The following AFF3 variants were observed in gnomAD, a reference collection of about 807,000 sequenced individuals.
AFF3 encodes the protein AF4/FMR2 family member 3.
Under a neutral mutation model 129.7 loss-of-function variants are expected in AFF3, and 32 were observed. The observed-to-expected ratio is 0.25, with a 90% CI of 0.19 to 0.33. The LOEUF is 0.33. Among genes scored for constraint, AFF3 ranks in the 10% least tolerant of loss-of-function variants. The pLI, the probability that AFF3 is intolerant of heterozygous loss-of-function variation, is 1.00. For synonymous variants in AFF3, 644 were observed against 635.4 expected (o/e 1.01, Z -0.20); for missense variants, 1,373 against 1,592.0 (o/e 0.86, Z 2.34).
In AFF3 at chr2:99,562,288, T is replaced by C. The variant is rs555805738; in HGVS notation, c.3120-1852A>G. Among the ~76,000 whole-genome samples the C allele has an allele frequency of 7.2e-5, 11 of 152,344 alleles. 1 individual carries two copies. The South Asian group carries it at 1.4e-3, about 20-fold the overall frequency. ...CTATTCCTCTCCTCTGAGACTTCCATGACACAAATGTTGGATTTTTTCTTA... is the reference window on the plus strand; with the variant it reads ...CTATTCCTCTCCTCTGAGACTTCCACGACACAAATGTTGGATTTTTTCTTA... On this transcript the variant is annotated intron_variant, in intron 20 of 24. Coordinates refer to ENST00000672756, the MANE Select transcript of AFF3 (RefSeq NM_001386135.1).
At chr2:99,977,008 G>T (rs972199226) in intron 7 of AFF3, among the ~76,000 whole-genome samples, 1 of 152,180 alleles carries the variant, frequency 6.6e-6, no homozygotes. Context: ...TTGAACCATA[G>T]AAAGAATCTG....
At chr2:99,930,982 C>T (rs549955957) in intron 7 of AFF3, among the ~76,000 whole-genome samples, 102 of 152,218 alleles carry the variant, frequency 6.7e-4, no homozygotes, top group South Asian at 1.9e-3. Context: ...ACTGAAGTTC[C>T]GAGAACCACC....
chr2:100,021,940 C>T (rs1388633932), intron 4 of AFF3, among the ~76,000 whole-genome samples: 1 of 152,162 alleles, frequency 6.6e-6, no homozygotes, highest in Non-Finnish European at 1.5e-5. Flanking sequence ...GTACCAGCTA[C>T]ACAGGACAAA....
chr2:100,001,050 C>T (rs947864128), intron 7 of AFF3, among the ~76,000 whole-genome samples: 11 of 152,216 alleles, frequency 7.2e-5, no homozygotes, highest in South Asian at 6.2e-4. Context: ...GCCCCAGGTG[C>T]GGAGCTCAGG....
chr2:100,075,045 C>G (rs1414336698), intron 4 of AFF3, among the ~76,000 whole-genome samples: 1 of 152,188 alleles, frequency 6.6e-6, no homozygotes, highest in Non-Finnish European at 1.5e-5. Context: ...AATACAACCA[C>G]TCTAGAAAGA....
chr2:99,569,126 A>G (rs1457467610), intron 18 of AFF3, among the ~76,000 whole-genome samples: 1 of 152,198 alleles, frequency 6.6e-6, no homozygotes, highest in Non-Finnish European at 1.5e-5. Flanking sequence ...CACACTCAAC[A>G]TACGCCAGTA....
chr2:100,039,976 T>C (rs1221282744), intron 4 of AFF3, among the ~76,000 whole-genome samples: 1 of 152,198 alleles, frequency 6.6e-6, no homozygotes, highest in Non-Finnish European at 1.5e-5. Flanking sequence ...TGTGTTTTCA[T>C]CTTAATCATT....
rs1674063352 is a variant in AFF3 at position 99,545,991 on chromosome 2, T to C, written c.*5483A>G. The stretch of plus-strand genomic sequence containing the variant: ...CAAGTCTGAACATTTCTTGTGCTAT[T>C]TGCCAGGAAGTTGTAATATTGAAAA... On this transcript the variant is annotated 3_prime_UTR_variant, in exon 25 of 25. Transcript: ENST00000672756. The C allele has an allele frequency of 1.4e-5, 3 of 218,580 alleles. No individual in the cohort carries two copies. Among genetic ancestry groups the C allele is most frequent in the Admixed American group, 5.8e-5 (1 of 17,302 alleles). The allele number at this position is 218,580 out of a possible 1,614,324, so 13.5% of individuals were successfully genotyped here.
intron 4 of AFF3, among the ~76,000 whole-genome samples, chr2:100,014,149 G>C (rs1237947024): frequency 6.6e-6 from 1 of 151,608 alleles, no homozygotes; most frequent in Non-Finnish European, 1.5e-5. Flanking sequence ...CAAGCAAACT[G>C]CATTTCCCAT....
In AFF3 at chr2:100,104,474, G is replaced by GCCGCCGCCGCTA. The variant is rs1168394339; in HGVS notation, c.-32_-21dup. The GCCGCCGCCGCTA allele has an allele frequency of 1.5e-6, 2 of 1,298,134 alleles. No individual in the cohort carries two copies. The highest frequency in any genetic ancestry group is 3.2e-5 in the African/African-American group (2 of 62,214). 80.4% of individuals were successfully genotyped at this position (1,298,134 alleles called of 1,614,324 possible). A position where few individuals can be genotyped will look rare whatever the true frequency, so the allele number is the denominator to read the frequency against. On this transcript the variant is annotated 5_prime_UTR_variant, in exon 4 of 25. Transcript: ENST00000672756. Reference sequence around the variant, plus strand: ...GTCCATGGTGGGAGGTGTCAGCGTCGCCGCCGCCGCTACCGCCGCCGCCGA... The same window carrying GCCGCCGCCGCTA: ...GTCCATGGTGGGAGGTGTCAGCGTCGCCGCCGCCGCTACCGCCGCCGCTACCGCCGCCGCCGA...
rs1025826549 is a variant in AFF3, at chr2:99,578,317, C to A, written c.2918+10G>T. ...TGCCCCTCACCACATTTAAAAGCGT[C>A]TGAACTTACATATCATCGAAGACAA... is the stretch of plus-strand genomic sequence containing the variant. On this transcript the variant is annotated intron_variant, in intron 18 of 24. Coordinates refer to ENST00000672756, the MANE Select transcript of AFF3 (RefSeq NM_001386135.1). The A allele has an allele frequency of 1.3e-6, 2 of 1,593,842 alleles. No homozygotes were observed. The highest frequency in any genetic ancestry group is 3.7e-5 in the Admixed American group (2 of 54,730).
chr2:100,119,061 C>T (rs192933883), intron 2 of AFF3, among the ~76,000 whole-genome samples: 63 of 152,306 alleles, frequency 4.1e-4, no homozygotes, highest in African/African-American at 1.2e-3. Flanking sequence ...CTCGGCCCCC[C>T]GAAGTGCTGG....
At chr2:100,066,939 C>T (rs999514732) in intron 4 of AFF3, among the ~76,000 whole-genome samples, 1 of 152,146 alleles carries the variant, frequency 6.6e-6, no homozygotes, top group African/African-American at 2.4e-5. Context: ...TTAGAGACAA[C>T]AACAGGAGGG....
chr2:99,746,016 G>A (rs1288577259), intron 9 of AFF3, among the ~76,000 whole-genome samples: 1 of 151,608 alleles, frequency 6.6e-6, no homozygotes, highest in Non-Finnish European at 1.5e-5. Context: ...CTACATACTG[G>A]GTACAATGTA....
intron 8 of AFF3, among the ~76,000 whole-genome samples, chr2:99,797,359 G>A (rs1481678166): frequency 6.6e-6 from 1 of 152,012 alleles, no homozygotes; most frequent in Non-Finnish European, 1.5e-5. Context: ...AAACATTAGT[G>A]AGCTTGAAGA....
intron 8 of AFF3, among the ~76,000 whole-genome samples, chr2:99,823,282 A>T (rs1048512645): frequency 7.0e-6 from 1 of 143,102 alleles, no homozygotes; most frequent in Non-Finnish European, 1.5e-5. Context: ...CCAAGCATGC[A>T]CTGTTAAACT....
chr2:100,075,568 T>C (rs1688521819), intron 4 of AFF3, among the ~76,000 whole-genome samples: 3 of 152,216 alleles, frequency 2.0e-5, no homozygotes, highest in South Asian at 4.2e-4. Context: ...TCCTAGAAAC[T>C]GTCAGACCAG....
At chr2:99,801,562 T>C (rs962824915) in intron 8 of AFF3, among the ~76,000 whole-genome samples, 2 of 152,192 alleles carry the variant, frequency 1.3e-5, no homozygotes, top group African/African-American at 4.8e-5. Flanking sequence ...TTCCCCACTC[T>C]GAAGGGAGTC....
At chr2:99,651,098 G>T (rs1177631394) in intron 12 of AFF3, among the ~76,000 whole-genome samples, 5 of 150,916 alleles carry the variant, frequency 3.3e-5, no homozygotes, top group African/African-American at 1.2e-4. Flanking sequence ...GCTTGAACTT[G>T]GGGGGCGGAG....
Sources: gnomAD v4.1 joint callset for allele counts (sites outside exome capture counted in the v4.1 genomes callset) on GRCh38, gnomAD v4.1.1 for gene constraint, MANE v1.5 for transcripts, NCBI Gene and HGNC (gene_info 2026-07-23, HGNC 2026-07-21) for gene names.